The following IL10RB variants were observed in gnomAD, a reference collection of about 807,000 sequenced individuals.
IL10RB encodes the protein interleukin 10 receptor subunit beta, also known as interleukin-10 receptor subunit beta.
IL10RB carries 30 observed loss-of-function variants against 38.7 expected under a neutral mutation model. That is an observed-to-expected ratio of 0.78 (90% CI 0.58 to 1.05). The LOEUF (loss-of-function observed/expected upper bound fraction) is 1.05. Ranked by LOEUF, IL10RB falls within the 50% of genes least tolerant of loss-of-function variation. The pLI is 0.00. For missense variants in IL10RB, 328 were observed against 397.1 expected (o/e 0.83, Z 1.48); for synonymous variants, 142 against 145.9 (o/e 0.97, Z 0.19).
chr21:33,284,478 A>G (rs1343084760), intron 5 of IL10RB, among the ~76,000 whole-genome samples: 1 of 152,126 alleles, frequency 6.6e-6, no homozygotes. Flanking sequence ...TAAATCCCAC[A>G]AGTTTTCAAT....
chr21:33,266,654 CGGCTGCTGAGACGCAACTA>C (rs977509865), intron 1 of IL10RB, 140 bp downstream of exon 1: 7 of 826,462 alleles, frequency 8.5e-6, no homozygotes, highest in Non-Finnish European at 1.3e-5. Flanking sequence ...ACGCCACGGC[CGGCTGCTGAGACGCAACTA>C]GGCTGCTGCT....
intron 2 of IL10RB, among the ~76,000 whole-genome samples, chr21:33,276,359 C>T (rs762669479): frequency 7.9e-5 from 12 of 152,064 alleles, no homozygotes; most frequent in Non-Finnish European, 1.3e-4. Context: ...TTCAAAAATA[C>T]GTAATCAAGG....
Position 33,288,129 on chromosome 21 carries a change from C to T in IL10RB, c.672C>T (p.Ala224=), listed in dbSNP as rs762180130. The change falls in exon 6 of 7, where the codon GCC becomes GCT. Residue 224 remains alanine, a synonymous_variant. Transcript: ENST00000290200. The part of the protein sequence containing the change: ...HDETVPSWMV[A]VILMASVFMV... ...AAACGGTCCCCTCCTGGATGGTGGC[C>T]GTCATCCTCATGGCCTCGGTCTTCA... The T allele has an allele frequency of 3.7e-6, 6 of 1,613,986 alleles. No homozygotes were observed. The highest frequency in any genetic ancestry group is 2.2e-5 in the East Asian group (1 of 44,894).
chr21:33,291,873 C>T (rs1989494916), intron 6 of IL10RB, among the ~76,000 whole-genome samples: 1 of 152,148 alleles, frequency 6.6e-6, no homozygotes, highest in Non-Finnish European at 1.5e-5. Flanking sequence ...GGTGGCTACC[C>T]AGCCGTGGGA....
chr21:33,268,644 A>C, intron 2 of IL10RB, 127 bp downstream of exon 2: 1 of 766,034 alleles, frequency 1.3e-6, no homozygotes, highest in South Asian at 1.4e-5. Context: ...ACCCTCAGGG[A>C]GCCTCCCTGC....
chr21:33,279,787 C>A lies in IL10RB; in HGVS notation c.367C>A (p.Leu123Ile). Residue 123 changes from leucine to isoleucine, a missense_variant, in exon 4 of 7, where the codon CTT (leucine) becomes ATT (isoleucine). Physicochemically the swap from Leu to Ile is conservative, Grantham distance 5. Transcript: ENST00000290200. ...ACCCCCTGGAATGCAAGTAGAAGTACTTGCTGATTCTTTACATATGCGTTT... is the reference window on the plus strand; with the variant it reads ...ACCCCCTGGAATGCAAGTAGAAGTAATTGCTGATTCTTTACATATGCGTTT... ...IGPPGMQVEV[L>I]ADSLHMRFLA... 1 of 1,613,922 alleles carries A rather than the reference C, an allele frequency of 6.2e-7. No homozygotes were observed. The highest frequency in any genetic ancestry group is 8.5e-7 in the Non-Finnish European group (1 of 1,179,792).
rs189858011 is a variant in IL10RB, at chr21:33,268,340, T to C, written c.50-54T>C. ...CAAGTGCTGGATGTGGGCTTTTTCA[T>C]GGGCATCTGTTTTGAGGAGAAAAGT... is the stretch of plus-strand genomic sequence containing the variant. On this transcript the variant is annotated intron_variant, in intron 1 of 6. Transcript: ENST00000290200. 100 of 1,612,844 alleles carry C rather than the reference T, an allele frequency of 6.2e-5. No homozygotes were observed. In the African/African-American group the frequency reaches 1.1e-3, roughly 18 times the overall value.
chr21:33,304,101 C>A (rs1050834943), intron 1 of IL10RB, among the ~76,000 whole-genome samples: 1 of 152,212 alleles, frequency 6.6e-6, no homozygotes, highest in Non-Finnish European at 1.5e-5. Flanking sequence ...AGCTTGGTGA[C>A]CAGCCAGTAG....
At chr21:33,288,063 G>A (rs765186419) in intron 5 of IL10RB, 41 bp from the exon 6 acceptor site, 214 of 1,601,796 alleles carry the variant, frequency 1.3e-4, no homozygotes, top group Middle Eastern at 1.7e-4. Flanking sequence ...ACTGTGACCC[G>A]ACCTGTGACA....
chr21:33,288,394 CA>C, intron 6 of IL10RB, 133 bp downstream of exon 6: 2 of 707,364 alleles, frequency 2.8e-6, no homozygotes, highest in Non-Finnish European at 5.1e-6. Flanking sequence ...CACACACACA[CA>C]CACACACACA....
chr21:33,300,969 A>C (rs1164306612), downstream of IL10RB, among the ~76,000 whole-genome samples: 1 of 152,074 alleles, frequency 6.6e-6, no homozygotes, highest in African/African-American at 2.4e-5. Flanking sequence ...GCACGGAAAG[A>C]CTCTGTTGTT....
At chr21:33,283,653 G>A (rs972547872) in intron 5 of IL10RB, among the ~76,000 whole-genome samples, 2 of 152,204 alleles carry the variant, frequency 1.3e-5, no homozygotes, top group Non-Finnish European at 1.5e-5. Context: ...CATGTGATGG[G>A]AAGCAAGTGT....
At chr21:33,293,412 G>A (rs957726695) in intron 6 of IL10RB, among the ~76,000 whole-genome samples, 9 of 152,182 alleles carry the variant, frequency 5.9e-5, no homozygotes, top group Admixed American at 5.2e-4. Flanking sequence ...GAGGCTGGGG[G>A]AACAAGCGCC....
At chr21:33,297,824 AGAAAGAAAGAAAG>A (rs368000923), downstream of IL10RB, among the ~76,000 whole-genome samples, 5 of 149,694 alleles carry the variant, frequency 3.3e-5, no homozygotes, top group Non-Finnish European at 5.9e-5. Context: ...TCAAAAAAAA[AGAAAGAAAGAAAG>A]GAAAGAAAAA....
chr21:33,273,226 T>C lies in IL10RB; in HGVS notation c.174-3370T>C, dbSNP rs116998819. Among the ~76,000 whole-genome samples, 88 of 152,262 alleles carry C rather than the reference T, an allele frequency of 5.8e-4. No individual in the cohort carries two copies. The East Asian group carries it at 0.017, about 29-fold the overall frequency. On this transcript the variant is annotated intron_variant, in intron 2 of 6. Transcript: ENST00000290200. Reference sequence around the variant, plus strand: ...AGTGCTGTAGGCAATCGTAACACAATGGTATTTGTATACAGGCATATCACA... The same window carrying C: ...AGTGCTGTAGGCAATCGTAACACAACGGTATTTGTATACAGGCATATCACA...
At chr21:33,273,135 C>T (rs1316109623) in intron 2 of IL10RB, among the ~76,000 whole-genome samples, 1 of 152,158 alleles carries the variant, frequency 6.6e-6, no homozygotes, top group Admixed American at 6.5e-5. Context: ...GCCTCGTATA[C>T]ACCTAGGCTA....
rs1479430336 is a variant in IL10RB at position 33,304,461 on chromosome 21, T to C, written c.130-4515T>C. Among the ~76,000 whole-genome samples, 4 of 152,264 alleles carry C rather than the reference T, an allele frequency of 2.6e-5. No homozygotes were observed. In the East Asian group the frequency reaches 5.8e-4, roughly 22 times the overall value. On this transcript the variant is annotated intron_variant, in intron 1 of 1. Transcript: ENST00000609556. ...TGGATTACCGCTGATCCAGCCAATA[T>C]CCATCCAGAGATTACACACCGTCCC...
At chr21:33,282,414 T>C (rs1380166820) in intron 4 of IL10RB, among the ~76,000 whole-genome samples, 1 of 152,092 alleles carries the variant, frequency 6.6e-6, no homozygotes, top group African/African-American at 2.4e-5. Context: ...TGTGCACCTG[T>C]ATTCTCAGCT....
At chr21:33,302,236 G>A (rs1481981594) in intron 1 of IL10RB, among the ~76,000 whole-genome samples, 1 of 152,222 alleles carries the variant, frequency 6.6e-6, no homozygotes, top group Non-Finnish European at 1.5e-5. Flanking sequence ...TGGAGCTCAA[G>A]GTGGACTTTC....
Sources: gnomAD v4.1 joint callset for allele counts (sites outside exome capture counted in the v4.1 genomes callset) on GRCh38, gnomAD v4.1.1 for gene constraint, MANE v1.5 for transcripts, NCBI Gene and HGNC (gene_info 2026-07-23, HGNC 2026-07-21) for gene names.